CDK13: variants seen among roughly 807,000 people sequenced by gnomAD.
The protein encoded by CDK13 is cyclin dependent kinase 13.
CDK13 carries 40 observed loss-of-function variants against 137.6 expected under a neutral mutation model. That is an observed-to-expected ratio of 0.29 (90% CI 0.23 to 0.38). CDK13 has a LOEUF of 0.38. Among genes scored for constraint, CDK13 ranks in the 10% least tolerant of loss-of-function variants. CDK13 has a pLI of 1.00. For synonymous variants in CDK13, 869 were observed against 760.1 expected (o/e 1.14, Z -2.36); for missense variants, 1,704 against 1,951.8 (o/e 0.87, Z 2.39).
chr7:40,048,232 A>C (rs1055536109), intron 7 of CDK13: 2 of 178,350 alleles, frequency 1.1e-5, no homozygotes, highest in Admixed American at 5.7e-5. Context: ...TTTCATTATT[A>C]TTTTAGACAG....
intron 9 of CDK13, chr7:40,066,791 T>C (rs1786289586): frequency 6.6e-6 from 1 of 152,222 alleles, no homozygotes; most frequent in South Asian, 2.1e-4. Context: ...GTGAATCCTC[T>C]GTTTAAAGAG....
intron 11 of CDK13, among the ~76,000 whole-genome samples, chr7:40,080,806 T>A (rs1217133911): frequency 6.6e-6 from 1 of 152,218 alleles, no homozygotes; most frequent in Non-Finnish European, 1.5e-5. Flanking sequence ...TTTATCACTG[T>A]CTACTTTTTT....
intron 2 of CDK13, among the ~76,000 whole-genome samples, chr7:39,990,231 CT>C (rs397967975): frequency 0.015 from 2,247 of 147,274 alleles, 56 homozygotes; most frequent in African/African-American, 0.049. Context: ...TTGTTCATTA[CT>C]TTTTTTTTTT....
intron 1 of CDK13, among the ~76,000 whole-genome samples, chr7:39,954,287 GA>G (rs1317486369): frequency 1.3e-5 from 2 of 152,132 alleles, no homozygotes; most frequent in African/African-American, 2.4e-5. Flanking sequence ...TAGTTGATTG[GA>G]AAAATCTAAA....
chr7:39,992,648 A>G (rs544767213), intron 2 of CDK13, among the ~76,000 whole-genome samples: 2 of 152,032 alleles, frequency 1.3e-5, no homozygotes, highest in African/African-American at 2.4e-5. Flanking sequence ...TCCACTATAT[A>G]TAATCAATAA....
In CDK13 at chr7:40,043,965, C is replaced by T. The variant is rs867956895; in HGVS notation, c.2354-1871C>T. On this transcript the variant is annotated intron_variant, in intron 5 of 13. Coordinates refer to ENST00000181839, the MANE Select transcript of CDK13 (RefSeq NM_003718.5). ...AGGCTGGAGTGCAGTGGCACCACCTCGGCTCACTGCAACCTCCACCTCCCT... is the reference window on the plus strand; with the variant it reads ...AGGCTGGAGTGCAGTGGCACCACCTTGGCTCACTGCAACCTCCACCTCCCT... Among the ~76,000 whole-genome samples, 5 of 150,658 alleles carry T rather than the reference C, an allele frequency of 3.3e-5. No individual in the cohort carries two copies. In the South Asian group the frequency reaches 6.3e-4, roughly 19 times the overall value.
intron 1 of CDK13, among the ~76,000 whole-genome samples, chr7:39,960,253 CT>C (rs777734478): frequency 9.5e-5 from 14 of 147,324 alleles, no homozygotes; most frequent in Admixed American, 2.0e-4. Flanking sequence ...GAATCAAATA[CT>C]TTTTTTTTTG....
At chr7:39,994,571 C>G (rs368683546) in intron 2 of CDK13, among the ~76,000 whole-genome samples, 2 of 152,116 alleles carry the variant, frequency 1.3e-5, no homozygotes, top group Non-Finnish European at 2.9e-5. Flanking sequence ...ATTAGTGATG[C>G]GTAAATGGCT....
chr7:40,052,208 A>G (rs1024920845), intron 7 of CDK13, among the ~76,000 whole-genome samples: 1 of 152,128 alleles, frequency 6.6e-6, no homozygotes, highest in South Asian at 2.1e-4. Context: ...ACGGAGTCTC[A>G]CTCTGTCACT....
chr7:39,976,898 G>A (rs1784124419), intron 1 of CDK13, among the ~76,000 whole-genome samples: 1 of 152,144 alleles, frequency 6.6e-6, no homozygotes, highest in African/African-American at 2.4e-5. Flanking sequence ...ATAAAACACT[G>A]AATTATGCTA....
chr7:39,978,044 T>C (rs1406352530), intron 1 of CDK13, among the ~76,000 whole-genome samples: 1 of 152,166 alleles, frequency 6.6e-6, no homozygotes, highest in African/African-American at 2.4e-5. Flanking sequence ...AGCTTAATAG[T>C]TTTAGCTGTA....
intron 7 of CDK13, among the ~76,000 whole-genome samples, chr7:40,058,707 A>G (rs574431373): frequency 1.3e-5 from 2 of 152,104 alleles, no homozygotes; most frequent in South Asian, 4.1e-4. Flanking sequence ...TAGAATTGGC[A>G]GAAGTTGTTT....
At chr7:39,965,690 T>C (rs978482932) in intron 1 of CDK13, among the ~76,000 whole-genome samples, 9 of 152,250 alleles carry the variant, frequency 5.9e-5, no homozygotes, top group Non-Finnish European at 5.9e-5. Flanking sequence ...TGCTCATTAG[T>C]TGATGCAGTT....
chr7:40,086,873 C>A (rs1409054287), intron 11 of CDK13, among the ~76,000 whole-genome samples: 1 of 144,412 alleles, frequency 6.9e-6, no homozygotes, highest in Non-Finnish European at 1.5e-5. Flanking sequence ...AGTGCAGTGG[C>A]ATGATCTTGG....
Position 39,950,737 on chromosome 7 carries a change from G to C in CDK13, c.96G>C (p.Leu32=), listed in dbSNP as rs2116046844. 4.8e-6 allele frequency: 7 copies of C among 1,470,722 alleles called. No homozygotes were observed. The highest frequency in any genetic ancestry group is 1.3e-5 in the South Asian group (1 of 76,790). 91.1% of individuals were successfully genotyped at this position (1,470,722 alleles called of 1,614,324 possible). A position where few individuals can be genotyped will look rare whatever the true frequency, so the allele number is the denominator to read the frequency against. ...LEERRKRRRF[L]SPQQPPLLLP... ...AACGCCGCAAGCGGAGGCGATTCCT[G>C]TCCCCTCAGCAGCCGCCGCTGCTGT... is the stretch of plus-strand genomic sequence containing the variant. The change falls in exon 1 of 14, where the codon CTG becomes CTC. Residue 32 remains leucine, a synonymous_variant. Coordinates refer to ENST00000181839, the MANE Select transcript of CDK13 (RefSeq NM_003718.5).
intron 5 of CDK13, among the ~76,000 whole-genome samples, chr7:40,022,414 C>T (rs1340295845): frequency 9.2e-5 from 14 of 152,268 alleles, no homozygotes; most frequent in Non-Finnish European, 1.5e-4. Context: ...CACCTTCTAC[C>T]TTCAGGCATA....
At chr7:40,050,722 G>A (rs917460371) in intron 7 of CDK13, among the ~76,000 whole-genome samples, 2 of 152,110 alleles carry the variant, frequency 1.3e-5, no homozygotes, top group Non-Finnish European at 1.5e-5. Flanking sequence ...AAATTAATGT[G>A]GCTATTATTT....
At chr7:39,997,216 CAA>C (rs1784583224) in intron 2 of CDK13, among the ~76,000 whole-genome samples, 1 of 152,082 alleles carries the variant, frequency 6.6e-6, no homozygotes, top group African/African-American at 2.4e-5. Flanking sequence ...CATTCGTTAA[CAA>C]TTAATCAATA....
chr7:40,039,434 A>ATTTTTTTTTCTT (rs1785556569), intron 5 of CDK13, among the ~76,000 whole-genome samples: 1 of 84,996 alleles, frequency 1.2e-5, no homozygotes, highest in Non-Finnish European at 2.1e-5. Flanking sequence ...TGCCCGGCTA[A>ATTTTTTTTTCTT]TTTTTTTTTT....
Sources: gnomAD v4.1 joint callset for allele counts (sites outside exome capture counted in the v4.1 genomes callset) on GRCh38, gnomAD v4.1.1 for gene constraint, MANE v1.5 for transcripts, NCBI Gene and HGNC (gene_info 2026-07-23, HGNC 2026-07-21) for gene names.